EFCAB11: variants seen among roughly 807,000 people sequenced by gnomAD.
EFCAB11 encodes EF-hand calcium-binding domain-containing protein 11.
Under a neutral mutation model 23.0 loss-of-function variants are expected in EFCAB11, and 14 were observed. The observed-to-expected ratio is 0.61, with a 90% CI of 0.40 to 0.95. The LOEUF (loss-of-function observed/expected upper bound fraction) is 0.95, where lower values mean the gene tolerates loss of function less well. Ranked by LOEUF, EFCAB11 falls within the 40% of genes least tolerant of loss-of-function variation. The probability of loss-of-function intolerance (pLI) is 0.00; values close to 1 mark genes in which losing one functional copy is unlikely to be tolerated. For missense variants in EFCAB11, 198 were observed against 195.8 expected (o/e 1.01, Z -0.07); for synonymous variants, 65 against 66.6 (o/e 0.98, Z 0.11).
intron 5 of EFCAB11, chr14:89,830,878 T>C (rs1195487144): frequency 3.9e-5 from 6 of 152,194 alleles, no homozygotes; most frequent in Non-Finnish European, 8.8e-5. Context: ...AGCAACATAG[T>C]AAGTGGTTAC....
rs184654479 is a variant in EFCAB11, at chr14:89,921,014, G to A, written c.410+10527C>T. Among the ~76,000 whole-genome samples the A allele has an allele frequency of 2.3e-3, 350 of 149,192 alleles. 2 individuals carry two copies. The highest frequency in any genetic ancestry group is 4.0e-3 in the Admixed American group (60 of 14,960). ...TGGGAGGCAGAGGTTGCAGTGAGCC[G>A]AGGTCGCGCCACTGAACTCCAGTCT... On this transcript the variant is annotated intron_variant, in intron 5 of 5. Coordinates refer to ENST00000316738, the MANE Select transcript of EFCAB11 (RefSeq NM_145231.4).
intron 5 of EFCAB11, among the ~76,000 whole-genome samples, chr14:89,855,702 G>A (rs2140144084): frequency 6.6e-6 from 1 of 152,204 alleles, no homozygotes; most frequent in East Asian, 1.9e-4. Context: ...TAGTGCTCAT[G>A]TTGTACCTTA....
At chr14:89,940,787 T>C (rs759707775) in intron 3 of EFCAB11, among the ~76,000 whole-genome samples, 1 of 152,222 alleles carries the variant, frequency 6.6e-6, no homozygotes, top group African/African-American at 2.4e-5. Flanking sequence ...ATATTTTACA[T>C]AGATCCGAGA....
intron 5 of EFCAB11, among the ~76,000 whole-genome samples, chr14:89,858,649 C>G (rs1662007416): frequency 6.8e-6 from 1 of 147,924 alleles, no homozygotes; most frequent in Non-Finnish European, 1.5e-5. Context: ...ATCACCACAC[C>G]CAGCTAATTT....
intron 5 of EFCAB11, among the ~76,000 whole-genome samples, chr14:89,896,793 A>C (rs757786199): frequency 5.9e-5 from 9 of 152,112 alleles, no homozygotes; most frequent in Non-Finnish European, 1.2e-4. Flanking sequence ...TGCATCTTCA[A>C]ACTCCTGCAG....
rs1276869739 is a variant in EFCAB11 at position 89,952,826 on chromosome 14, T to C, written c.171+1080A>G. ...TGTCTGGTCTAATGAGAGTGAGGGA[T>C]GGCATTCCAGGCTGAGCTCTGAGTG... is the stretch of plus-strand genomic sequence containing the variant. On this transcript the variant is annotated intron_variant, in intron 2 of 5. Transcript: ENST00000316738. Among the ~76,000 whole-genome samples the C allele has an allele frequency of 2.0e-5, 3 of 152,194 alleles. No homozygotes were observed. The East Asian group carries it at 5.8e-4, about 29-fold the overall frequency.
At chr14:89,914,522 C>T (rs902087677) in intron 5 of EFCAB11, among the ~76,000 whole-genome samples, 14 of 152,176 alleles carry the variant, frequency 9.2e-5, no homozygotes, top group Non-Finnish European at 1.8e-4. Flanking sequence ...CAGTGGCTCA[C>T]GCCTGTAATC....
At chr14:89,847,741 CA>C (rs561016492) in intron 5 of EFCAB11, among the ~76,000 whole-genome samples, 9,619 of 92,066 alleles carry the variant, frequency 0.1, 849 homozygotes, top group African/African-American at 0.28. Flanking sequence ...CTCTGTCTCA[CA>C]AAAAAAAAAA....
intron 5 of EFCAB11, among the ~76,000 whole-genome samples, chr14:89,877,803 G>A (rs1342211761): frequency 6.6e-6 from 1 of 152,122 alleles, no homozygotes; most frequent in Admixed American, 6.6e-5. Flanking sequence ...TATCTCAAAA[G>A]GCACCCCTTC....
At position 89,880,301 on chromosome 14, in the gene EFCAB11, C is replaced by T. The variant is rs141362041; in HGVS notation, c.410+51240G>A. ...CATTCCATGAACCAGGGAACAGGCC[C>T]TAACCAGACACTGAATTTGCCAGTG... On this transcript the variant is annotated intron_variant, in intron 5 of 5. Transcript: ENST00000316738. Among the ~76,000 whole-genome samples the T allele has an allele frequency of 3.2e-3, 491 of 152,248 alleles. 2 individuals carry two copies. Among genetic ancestry groups the T allele is most frequent in the South Asian group, 0.012 (60 of 4,810 alleles).
At chr14:89,820,835 C>T (rs781106035) in intron 5 of EFCAB11, among the ~76,000 whole-genome samples, 6 of 151,820 alleles carry the variant, frequency 4.0e-5, no homozygotes, top group Non-Finnish European at 5.9e-5. Context: ...TGATCAAATA[C>T]CAGTCTAGAC....
chr14:89,869,968 G>T (rs551563155), intron 5 of EFCAB11, among the ~76,000 whole-genome samples: 1 of 152,348 alleles, frequency 6.6e-6, no homozygotes, highest in South Asian at 2.1e-4. Flanking sequence ...ATTCTCCTTA[G>T]AGTTTTGCCA....
At chr14:89,862,059 C>T (rs1029490003) in intron 5 of EFCAB11, among the ~76,000 whole-genome samples, 7 of 152,176 alleles carry the variant, frequency 4.6e-5, no homozygotes, top group Non-Finnish European at 1.0e-4. Flanking sequence ...CCTTAGCAGT[C>T]ACATCTGGAT....
intron 5 of EFCAB11, among the ~76,000 whole-genome samples, chr14:89,853,364 T>C (rs1238058913): frequency 6.6e-6 from 1 of 152,228 alleles, no homozygotes; most frequent in Admixed American, 6.5e-5. Context: ...TATAAAAATA[T>C]ATATTGTTAG....
chr14:89,951,938 A>C (rs888683324), intron 2 of EFCAB11, among the ~76,000 whole-genome samples: 4 of 152,118 alleles, frequency 2.6e-5, no homozygotes, highest in African/African-American at 9.7e-5. Flanking sequence ...AAATAAATAA[A>C]CTTAATTATG....
intron 5 of EFCAB11, among the ~76,000 whole-genome samples, chr14:89,921,063 T>TAAAAAAAAAA (rs199585363): frequency 9.9e-5 from 11 of 111,558 alleles, no homozygotes; most frequent in African/African-American, 4.5e-4. Context: ...AGACTCTGTC[T>TAAAAAAAAAA]AAAAAAAAAA....
At chr14:89,814,039 G>T (rs1420776883) in intron 5 of EFCAB11, among the ~76,000 whole-genome samples, 1 of 151,072 alleles carries the variant, frequency 6.6e-6, no homozygotes, top group Non-Finnish European at 1.5e-5. Context: ...TCCCCATATG[G>T]AAGTTTTACT....
At chr14:89,836,320 G>A (rs1887076953) in intron 5 of EFCAB11, 1 of 298,498 alleles carries the variant, frequency 3.4e-6, no homozygotes, top group Non-Finnish European at 6.7e-6. Flanking sequence ...TGGACCAGGA[G>A]ATATGTCCAT....
chr14:89,858,656 A>ATTTTTT (rs10648464), intron 5 of EFCAB11, among the ~76,000 whole-genome samples: 126 of 89,004 alleles, frequency 1.4e-3, no homozygotes, highest in Non-Finnish European at 1.9e-3. Context: ...CACCCAGCTA[A>ATTTTTT]TTTTTTTTTT....
Sources: gnomAD v4.1 joint callset for allele counts (sites outside exome capture counted in the v4.1 genomes callset) on GRCh38, gnomAD v4.1.1 for gene constraint, MANE v1.5 for transcripts, NCBI Gene and HGNC (gene_info 2026-07-23, HGNC 2026-07-21) for gene names.